STAG1: variants seen among roughly 807,000 people sequenced by gnomAD.
The protein encoded by STAG1 is cohesin subunit SA-1.
STAG1 carries 26 observed loss-of-function variants against 170.9 expected under a neutral mutation model. The observed-to-expected ratio is 0.15, with a 90% CI of 0.11 to 0.21. The LOEUF (loss-of-function observed/expected upper bound fraction) is 0.21. STAG1 is among the 10% of genes least tolerant of loss of function. The probability of loss-of-function intolerance (pLI) is 1.00; values close to 1 mark genes in which losing one functional copy is unlikely to be tolerated. For synonymous variants in STAG1, 514 were observed against 497.7 expected (o/e 1.03, Z -0.44); for missense variants, 964 against 1,509.5 (o/e 0.64, Z 5.99).
chr3:136,466,550 A>G (rs546344040), intron 12 of STAG1, among the ~76,000 whole-genome samples: 9 of 152,202 alleles, frequency 5.9e-5, no homozygotes, highest in South Asian at 2.1e-4. Context: ...AAGTGACAGG[A>G]AGAATGGAAA....
chr3:136,642,260 ATTTCTTTTTT>A (rs1940831325), intron 1 of STAG1, among the ~76,000 whole-genome samples: 2 of 130,436 alleles, frequency 1.5e-5, no homozygotes, highest in South Asian at 2.4e-4. Context: ...AACAGACAGA[ATTTCTTTTTT>A]TTTTTTTTTT....
intron 21 of STAG1, among the ~76,000 whole-genome samples, chr3:136,403,253 AGAAAAGAAAAGAAAAAAAAAAGAAAAAG>A (rs2087387875): frequency 8.6e-6 from 1 of 116,354 alleles, no homozygotes; most frequent in African/African-American, 2.9e-5. Context: ...AAAAAAAAAA[AGAAAAGAAAAGAAAAAAAAAAGAAAAAG>A]GAAAAGGGAA....
intron 9 of STAG1, among the ~76,000 whole-genome samples, chr3:136,484,204 G>C (rs1365692228): frequency 6.6e-6 from 1 of 151,564 alleles, no homozygotes; most frequent in African/African-American, 2.4e-5. Flanking sequence ...CCCCATCTTT[G>C]TGGTTTTATC....
Position 136,513,479 on chromosome 3 carries a change from A to G in STAG1, c.676+7734T>C, listed in dbSNP as rs570317898. On this transcript the variant is annotated intron_variant, in intron 7 of 33. Coordinates refer to ENST00000383202, the MANE Select transcript of STAG1 (RefSeq NM_005862.3). The stretch of plus-strand genomic sequence containing the variant: ...GGACAAAGAAATGGAAAATAAACAT[A>G]CATAACACTGTATCATCACAAAATT... Among the ~76,000 whole-genome samples, 182 of 152,284 alleles carry G rather than the reference A, an allele frequency of 1.2e-3. 8 individuals carry two copies. In the South Asian group the frequency reaches 0.036, roughly 30 times the overall value.
chr3:136,536,948 CTAT>C (rs1212808638), intron 6 of STAG1, among the ~76,000 whole-genome samples: 10 of 152,232 alleles, frequency 6.6e-5, no homozygotes, highest in African/African-American at 2.4e-4. Context: ...TAATTATTAG[CTAT>C]TATTATTACT....
intron 13 of STAG1, among the ~76,000 whole-genome samples, chr3:136,463,790 C>T (rs1411928682): frequency 2.2e-5 from 3 of 135,772 alleles, no homozygotes; most frequent in Non-Finnish European, 3.1e-5. Flanking sequence ...CACACACACA[C>T]ATATACATAT....
intron 1 of STAG1, among the ~76,000 whole-genome samples, chr3:136,711,635 GATATTGGTAC>G (rs1267938672): frequency 6.6e-6 from 1 of 152,136 alleles, no homozygotes; most frequent in East Asian, 1.9e-4. Context: ...ATGAGGCAGT[GATATTGGTAC>G]AAGGCTAGAC....
chr3:136,622,185 T>A (rs1246910942), intron 3 of STAG1, among the ~76,000 whole-genome samples: 4 of 142,374 alleles, frequency 2.8e-5, no homozygotes, highest in African/African-American at 7.9e-5. Context: ...CTGGGCATGA[T>A]GGTGAGGGCC....
At chr3:136,564,593 A>G (rs1457487466) in intron 5 of STAG1, among the ~76,000 whole-genome samples, 1 of 152,192 alleles carries the variant, frequency 6.6e-6, no homozygotes, top group South Asian at 2.1e-4. Context: ...ACTGATGTAA[A>G]AGACAGTGTG....
rs925894187 is a variant in STAG1 at position 136,623,209 on chromosome 3, G to A, written c.69C>T (p.Gly23=). The A allele has an allele frequency of 6.2e-7, 1 of 1,613,508 alleles. No individual in the cohort carries two copies. Among genetic ancestry groups the A allele is most frequent in the African/African-American group, 1.3e-5 (1 of 74,892 alleles). Residue 23 remains glycine, a synonymous_variant, in exon 3 of 34, where the codon GGC becomes GGT. Transcript: ENST00000383202. ...TGACCTCTGTTTCTTCAAGCTCGCT[G>A]CCAGCATCGGAATGGGCAGTAGTTT... ...TNETTAHSDA[G]SELEETEVKG...
At chr3:136,375,812 A>T (rs989929754) in intron 23 of STAG1, among the ~76,000 whole-genome samples, 4 of 151,558 alleles carry the variant, frequency 2.6e-5, no homozygotes, top group African/African-American at 9.7e-5. Flanking sequence ...TACTAAAAAT[A>T]CAAAAAAATT....
At chr3:136,555,681 CTCAA>C (rs149089822) in intron 5 of STAG1, among the ~76,000 whole-genome samples, 10 of 151,072 alleles carry the variant, frequency 6.6e-5, no homozygotes, top group South Asian at 2.1e-4. Flanking sequence ...TAGACTCTGT[CTCAA>C]TCAATCAATC....
intron 6 of STAG1, among the ~76,000 whole-genome samples, chr3:136,539,710 T>C (rs1031225818): frequency 1.3e-5 from 2 of 152,334 alleles, no homozygotes; most frequent in East Asian, 3.9e-4. Flanking sequence ...TGGGAAATAA[T>C]TTATTTTTAA....
intron 1 of STAG1, among the ~76,000 whole-genome samples, chr3:136,684,536 G>T (rs150737042): frequency 6.6e-6 from 1 of 152,110 alleles, no homozygotes; most frequent in Admixed American, 6.5e-5. Context: ...GATCACTTGA[G>T]GTCCAAAGTT....
At chr3:136,583,765 A>G (rs1167018189) in intron 4 of STAG1, among the ~76,000 whole-genome samples, 2 of 152,170 alleles carry the variant, frequency 1.3e-5, no homozygotes, top group Admixed American at 6.6e-5. Context: ...CTCCAGCCTG[A>G]GCAATAGAAT....
intron 23 of STAG1, among the ~76,000 whole-genome samples, chr3:136,370,921 C>G (rs1378921233): frequency 6.6e-6 from 1 of 152,166 alleles, no homozygotes; most frequent in Non-Finnish European, 1.5e-5. Flanking sequence ...TTCTAGATTC[C>G]TGAGGAATCG....
At chr3:136,684,471 G>T (rs561708117) in intron 1 of STAG1, among the ~76,000 whole-genome samples, 9 of 152,058 alleles carry the variant, frequency 5.9e-5, no homozygotes, top group African/African-American at 2.2e-4. Flanking sequence ...CCAAACAGGC[G>T]GGGTGCATTG....
chr3:136,475,138 C>CTTTTTTTTTTTTTTTTTTT (rs10686674), intron 10 of STAG1, among the ~76,000 whole-genome samples: 3 of 76,002 alleles, frequency 3.9e-5, no homozygotes, highest in African/African-American at 5.5e-5. Context: ...TTATAGGTTC[C>CTTTTTTTTTTTTTTTTTTT]TTTTTTTTTT....
At chr3:136,641,267 A>T (rs1323067003) in intron 1 of STAG1, among the ~76,000 whole-genome samples, 3 of 152,234 alleles carry the variant, frequency 2.0e-5, no homozygotes, top group African/African-American at 7.2e-5. Flanking sequence ...AATAATGAAT[A>T]CTAATGGGCA....
Sources: gnomAD v4.1 joint callset for allele counts (sites outside exome capture counted in the v4.1 genomes callset) on GRCh38, gnomAD v4.1.1 for gene constraint, MANE v1.5 for transcripts, NCBI Gene and HGNC (gene_info 2026-07-23, HGNC 2026-07-21) for gene names.